Variants in CDK12 observed in about 807,000 individuals in gnomAD.
CDK12 encodes the protein cyclin dependent kinase 12.
A neutral mutation model predicts 133.8 loss-of-function variants in CDK12; 17 were observed. The observed-to-expected ratio is 0.13, with a 90% CI of 0.09 to 0.19. CDK12 has a LOEUF of 0.19. Ranked by LOEUF, CDK12 falls within the 10% of genes least tolerant of loss-of-function variation. The pLI is 1.00. For missense variants in CDK12, 1,508 were observed against 1,818.7 expected (o/e 0.83, Z 3.11); for synonymous variants, 694 against 683.6 (o/e 1.02, Z -0.24).
intron 11 of CDK12, among the ~76,000 whole-genome samples, chr17:39,520,580 G>T (rs1223932038): frequency 1.3e-5 from 2 of 151,788 alleles, no homozygotes; most frequent in Admixed American, 1.3e-4. Flanking sequence ...TAGTAGAGAC[G>T]GGGTTACACC....
intron 3 of CDK12, among the ~76,000 whole-genome samples, chr17:39,557,367 T>C (rs2056199035): frequency 6.6e-6 from 1 of 152,154 alleles, no homozygotes; most frequent in African/African-American, 2.4e-5. Flanking sequence ...CCTTCCTGGG[T>C]CATTTTCTCC....
chr17:39,481,268 A>G (rs1472119009), intron 2 of CDK12, among the ~76,000 whole-genome samples: 1 of 150,884 alleles, frequency 6.6e-6, no homozygotes, highest in Non-Finnish European at 1.5e-5. Flanking sequence ...AAAAAAAGAA[A>G]AAAAAAAAAG....
rs189827754 is a variant in CDK12 at position 39,480,325 on chromosome 17, G to A, written c.1931+8562G>A. On this transcript the variant is annotated intron_variant, in intron 2 of 13. Transcript: ENST00000447079. ...GTCGTCCAGGCTGGAGTGCAGTGGC[G>A]TGATCTTGGCTCACTGTAACCTCCA... Among the ~76,000 whole-genome samples the A allele has an allele frequency of 6.3e-3, 953 of 151,158 alleles. 16 individuals are homozygous for A. The highest frequency in any genetic ancestry group is 0.022 in the African/African-American group (911 of 41,146).
chr17:39,495,766 G>A (rs1219925678), intron 5 of CDK12, among the ~76,000 whole-genome samples: 1 of 148,318 alleles, frequency 6.7e-6, no homozygotes, highest in Non-Finnish European at 1.5e-5. Context: ...CTGCACTCCA[G>A]CCTGGGCAAT....
intron 1 of CDK12, among the ~76,000 whole-genome samples, chr17:39,468,018 C>T (rs570383470): frequency 2.0e-5 from 3 of 151,764 alleles, no homozygotes; most frequent in Admixed American, 1.3e-4. Context: ...CTTAGCCTCC[C>T]GAGCAGCTGG....
Position 39,486,712 on chromosome 17 carries a change from T to TA in CDK12, c.1932-3839dup, listed in dbSNP as rs1448692296. 2.0e-5 allele frequency among the ~76,000 whole-genome samples: 3 copies of TA among 152,120 alleles called. No individual in the cohort carries two copies. The East Asian group carries it at 5.8e-4, about 29-fold the overall frequency. On this transcript the variant is annotated intron_variant, in intron 2 of 13. Transcript: ENST00000447079. ...GAACATCTTAAAAATTAGAATAATT[T>TA]AAAAAATCTATGTTGGTGGGGTGCG...
Position 39,493,139 on chromosome 17 carries a change from G to A in CDK12, c.2248+249G>A, listed in dbSNP as rs115618896. 6.3e-3 allele frequency among the ~76,000 whole-genome samples: 941 copies of A among 148,934 alleles called. 17 individuals are homozygous for A. Among genetic ancestry groups the A allele is most frequent in the African/African-American group, 0.022 (897 of 40,436 alleles). ...TCCCGAGTAACTGGGATTACAGACCGTGCGCAACCACACTCGACTAATTTT... is the reference window on the plus strand; with the variant it reads ...TCCCGAGTAACTGGGATTACAGACCATGCGCAACCACACTCGACTAATTTT... On this transcript the variant is annotated intron_variant, in intron 4 of 13. Coordinates refer to ENST00000447079, the MANE Select transcript of CDK12 (RefSeq NM_016507.4).
intron 2 of CDK12, among the ~76,000 whole-genome samples, chr17:39,489,749 C>T (rs561147989): frequency 6.6e-6 from 1 of 151,410 alleles, no homozygotes; most frequent in African/African-American, 2.4e-5. Context: ...GCCTCAGCCT[C>T]CCAAAGTGCT....
At position 39,461,765 on chromosome 17, in the gene CDK12, G is replaced by T; in HGVS notation, c.-307G>T. On this transcript the variant is annotated 5_prime_UTR_variant, in exon 1 of 14. Transcript: ENST00000447079. Reference sequence around the variant, plus strand: ...GCTTCTCACTTCCTGGACCTCCCCGGCGCCCGGGCCTGAGGACTGGCTCGG... The same window carrying T: ...GCTTCTCACTTCCTGGACCTCCCCGTCGCCCGGGCCTGAGGACTGGCTCGG... 2.5e-6 allele frequency: 1 copy of T among 407,152 alleles called. No individual in the cohort carries two copies. The highest frequency in any genetic ancestry group is 4.5e-6 in the Non-Finnish European group (1 of 223,684). The allele number at this position is 407,152 out of a possible 1,614,324, so 25.2% of individuals were successfully genotyped here.
upstream of CDK12, among the ~76,000 whole-genome samples, chr17:39,543,327 C>T (rs1010549626): frequency 5.3e-5 from 8 of 152,288 alleles, no homozygotes; most frequent in South Asian, 2.1e-4. Context: ...TTGGCTGACA[C>T]GCATTGCTGG....
intron 1 of CDK12, among the ~76,000 whole-genome samples, chr17:39,542,371 A>C (rs2055467990): frequency 6.6e-6 from 1 of 151,860 alleles, no homozygotes; most frequent in Admixed American, 6.6e-5. Context: ...TTGTATTTTT[A>C]GTAGAGACGG....
chr17:39,485,503 C>G (rs1223060860), intron 2 of CDK12, among the ~76,000 whole-genome samples: 1 of 150,788 alleles, frequency 6.6e-6, no homozygotes, highest in East Asian at 2.0e-4. Context: ...TCTCCACCTC[C>G]CGGGTTCAGG....
chr17:39,477,808 C>T (rs1239397697), intron 2 of CDK12, among the ~76,000 whole-genome samples: 1 of 149,434 alleles, frequency 6.7e-6, no homozygotes, highest in East Asian at 2.0e-4. Flanking sequence ...CTCCTGACCT[C>T]GTGATCTGCC....
intron 3 of CDK12, among the ~76,000 whole-genome samples, chr17:39,558,578 A>AT (rs2056248772): frequency 6.6e-6 from 1 of 152,142 alleles, no homozygotes; most frequent in East Asian, 1.9e-4. Context: ...TCATTTGGTT[A>AT]TTTTTTCTGT....
chr17:39,555,967 G>T (rs1449424634), intron 2 of CDK12, among the ~76,000 whole-genome samples: 1 of 150,084 alleles, frequency 6.7e-6, no homozygotes, highest in Non-Finnish European at 1.5e-5. Flanking sequence ...CTGGGAGGTG[G>T]AGGTTGCAGT....
intron 6 of CDK12, among the ~76,000 whole-genome samples, chr17:39,507,688 G>A (rs1035857368): frequency 6.6e-6 from 1 of 152,154 alleles, no homozygotes; most frequent in Non-Finnish European, 1.5e-5. Flanking sequence ...ACTGATTTCT[G>A]TAACTATATA....
downstream of CDK12, among the ~76,000 whole-genome samples, chr17:39,566,550 C>T (rs1212531418): frequency 6.6e-6 from 1 of 152,188 alleles, no homozygotes; most frequent in African/African-American, 2.4e-5. Flanking sequence ...CGTGCTAACT[C>T]ACAGACTGTA....
Position 39,515,722 on chromosome 17 carries a change from C to T in CDK12, c.2769-9C>T. 6.3e-7 allele frequency: 1 copy of T among 1,597,360 alleles called. No individual in the cohort carries two copies. The highest frequency in any genetic ancestry group is 8.6e-7 in the Non-Finnish European group (1 of 1,166,612). On this transcript the variant is annotated splice_polypyrimidine_tract_variant and intron_variant, in intron 8 of 13. Coordinates refer to ENST00000447079, the MANE Select transcript of CDK12 (RefSeq NM_016507.4). ...TTCTCTTCTGACCTCTCAATTTTAC[C>T]TTTTCTAGATGTATTCTTGGGGAAC...
intron 5 of CDK12, among the ~76,000 whole-genome samples, chr17:39,500,956 G>A (rs1017323740): frequency 2.0e-5 from 3 of 151,306 alleles, no homozygotes; most frequent in African/African-American, 4.9e-5. Flanking sequence ...GGTTGGTCTC[G>A]AACTCCTGAC....
Sources: allele counts gnomAD v4.1 joint callset (sites outside exome capture counted in the v4.1 genomes callset), GRCh38; gene constraint gnomAD v4.1.1; transcripts MANE v1.5; gene names NCBI Gene and HGNC (gene_info 2026-07-23, HGNC 2026-07-21).